The following CCT3 variants were observed in gnomAD, a reference collection of about 807,000 sequenced individuals.
CCT3 encodes the protein T-complex protein 1 subunit gamma.
In CCT3, 10 loss-of-function variants were observed where a neutral mutation model predicts 65.3. That is an observed-to-expected ratio of 0.15 (90% CI 0.09 to 0.26). The LOEUF (loss-of-function observed/expected upper bound fraction) is 0.26, where lower values mean the gene tolerates loss of function less well. CCT3 is among the 10% of genes least tolerant of loss of function. CCT3 has a pLI of 1.00. For missense variants in CCT3, 626 were observed against 708.7 expected (o/e 0.88, Z 1.33); for synonymous variants, 225 against 242.3 (o/e 0.93, Z 0.66).
intron 5 of CCT3, among the ~76,000 whole-genome samples, chr1:156,330,747 C>A (rs1665067951): frequency 6.7e-6 from 1 of 149,192 alleles, no homozygotes; most frequent in African/African-American, 2.5e-5. Context: ...CATGGTGAAA[C>A]CCCATCTCTA....
At chr1:156,318,325 G>C (rs887035539) in intron 8 of CCT3, among the ~76,000 whole-genome samples, 6 of 150,480 alleles carry the variant, frequency 4.0e-5, no homozygotes, top group East Asian at 2.0e-4. Context: ...CTGGGTTCAA[G>C]CAATCCTCTC....
chr1:156,338,179 C>T lies in CCT3; in HGVS notation c.6G>A (p.Met2Ile). Residue 2 changes from methionine (M) to isoleucine (I), a missense_variant, in exon 1 of 14, where the codon ATG becomes ATA. Physicochemically the swap from Met to Ile is conservative, Grantham distance 10. Transcript: ENST00000295688. ...TGAGCACGAGCACTGGACGATGGCC[C>T]ATCATGGCGACGCGATGCAGAGCCG... Reference protein sequence around the residue: MMGHRPVLVLSQ... With the variant: MIGHRPVLVLSQ... 3.1e-6 allele frequency: 5 copies of T among 1,588,756 alleles called. No individual in the cohort carries two copies. The highest frequency in any genetic ancestry group is 4.3e-6 in the Non-Finnish European group (5 of 1,169,338).
At chr1:156,322,205 T>C (rs954658387) in intron 6 of CCT3, among the ~76,000 whole-genome samples, 14 of 152,174 alleles carry the variant, frequency 9.2e-5, no homozygotes, top group African/African-American at 3.4e-4. Context: ...ACCACCGCAC[T>C]CCAGCTTAGG....
chr1:156,322,183 A>G (rs1037872041), intron 6 of CCT3, among the ~76,000 whole-genome samples: 1 of 152,196 alleles, frequency 6.6e-6, no homozygotes, highest in African/African-American at 2.4e-5. Context: ...AGCTGCAGTA[A>G]GCTGTGACTG....
chr1:156,310,952 G>C lies in CCT3; in HGVS notation c.1399C>G (p.Arg467Gly). 1 of 1,613,618 alleles carries C rather than the reference G, an allele frequency of 6.2e-7. No homozygotes were observed. ...ASTIRLLTSL[R>G]AKHTQENCET... ...GAAAAGCTTGGAGAGGAACTCACCCGAAGGGAGGTAAGTAGACGGATGGTG... is the reference window on the plus strand; with the variant it reads ...GAAAAGCTTGGAGAGGAACTCACCCCAAGGGAGGTAAGTAGACGGATGGTG... Residue 467 changes from arginine to glycine, a missense_variant and splice_region_variant, in exon 12 of 14, where the codon CGG becomes GGG. Transcript: ENST00000295688.
At chr1:156,336,255 A>G (rs1382976419) in intron 1 of CCT3, among the ~76,000 whole-genome samples, 1 of 147,256 alleles carries the variant, frequency 6.8e-6, no homozygotes, top group Non-Finnish European at 1.5e-5. Flanking sequence ...CCCTGAGATT[A>G]TGTGAGAAAA....
intron 1 of CCT3, among the ~76,000 whole-genome samples, chr1:156,336,786 A>T (rs557024964): frequency 1.3e-5 from 2 of 152,294 alleles, no homozygotes; most frequent in East Asian, 1.9e-4. Flanking sequence ...TAAATCTTTC[A>T]ATCCAGTCCC....
At chr1:156,336,697 G>A (rs564317886) in intron 1 of CCT3, among the ~76,000 whole-genome samples, 3 of 152,272 alleles carry the variant, frequency 2.0e-5, no homozygotes, top group Admixed American at 6.5e-5. Context: ...GTGGAGACAA[G>A]CCAGTGGTTA....
At chr1:156,323,307 G>T (rs1280098360) in intron 6 of CCT3, among the ~76,000 whole-genome samples, 1 of 110,034 alleles carries the variant, frequency 9.1e-6, no homozygotes, top group Non-Finnish European at 2.0e-5. Flanking sequence ...CAAAAACTCC[G>T]TCTCAAGAAA....
At chr1:156,316,043 T>C (rs1241079191) in intron 10 of CCT3, among the ~76,000 whole-genome samples, 2 of 150,748 alleles carry the variant, frequency 1.3e-5, no homozygotes, top group Non-Finnish European at 1.5e-5. Flanking sequence ...GTAAGTAGAG[T>C]TGGCCCTCTA....
chr1:156,320,163 T>C (rs1664488259), intron 7 of CCT3, among the ~76,000 whole-genome samples: 1 of 152,186 alleles, frequency 6.6e-6, no homozygotes, highest in African/African-American at 2.4e-5. Flanking sequence ...CCCAGCACTT[T>C]GTGAGGCAAA....
At chr1:156,334,650 C>T in intron 4 of CCT3, 63 bp downstream of exon 4, 1 of 1,496,368 alleles carries the variant, frequency 6.7e-7, no homozygotes, top group Non-Finnish European at 9.2e-7. Flanking sequence ...TGTATCTTAA[C>T]AGGTCCTTTA....
At chr1:156,323,907 C>T (rs902019884) in intron 6 of CCT3, among the ~76,000 whole-genome samples, 12 of 151,910 alleles carry the variant, frequency 7.9e-5, no homozygotes, top group South Asian at 2.1e-4. Flanking sequence ...GGATTACAGG[C>T]GCATGCAACC....
At chr1:156,309,385 G>C (rs10908499) in intron 13 of CCT3, 82 bp from the exon 14 acceptor site, 247,886 of 911,002 alleles carry the variant, frequency 0.27, 35,321 homozygotes, top group Non-Finnish European at 0.29. Context: ...TCACCTAGAT[G>C]CTACTATGGA....
At chr1:156,319,734 T>A (rs1373210931) in intron 7 of CCT3, among the ~76,000 whole-genome samples, 1 of 151,974 alleles carries the variant, frequency 6.6e-6, no homozygotes, top group African/African-American at 2.4e-5. Flanking sequence ...AGGGCTTAGG[T>A]CTCTCCAATT....
chr1:156,314,921 A>G (rs924200694), intron 10 of CCT3, among the ~76,000 whole-genome samples: 7 of 152,200 alleles, frequency 4.6e-5, no homozygotes, highest in Non-Finnish European at 7.3e-5. Context: ...CTTCTATGAT[A>G]GAGGCACTGA....
chr1:156,336,043 A>G (rs1665333273), intron 1 of CCT3, 155 bp from the exon 2 acceptor site: 1 of 530,518 alleles, frequency 1.9e-6, no homozygotes, highest in African/African-American at 1.9e-5. Context: ...AGTGCAGTTT[A>G]TTATATGTCA....
At chr1:156,324,501 C>T (rs138719308) in intron 6 of CCT3, among the ~76,000 whole-genome samples, 318 of 152,124 alleles carry the variant, frequency 2.1e-3, no homozygotes, top group South Asian at 4.8e-3. Flanking sequence ...ATGGGAGTTT[C>T]GCTCTTGTTG....
intron 2 of CCT3, 74 bp downstream of exon 2, chr1:156,335,753 A>C (rs765098250): frequency 1.6e-4 from 202 of 1,234,950 alleles, no homozygotes; most frequent in Non-Finnish European, 2.1e-4. Flanking sequence ...GATGCACAGG[A>C]CACATGGCTA....
Sources: allele counts gnomAD v4.1 joint callset (sites outside exome capture counted in the v4.1 genomes callset), GRCh38; gene constraint gnomAD v4.1.1; transcripts MANE v1.5; gene names NCBI Gene and HGNC (gene_info 2026-07-23, HGNC 2026-07-21).